The following SLC9A9 variants were observed in gnomAD, a reference collection of about 807,000 sequenced individuals.
The protein encoded by SLC9A9 is solute carrier family 9 member A9.
A neutral mutation model predicts 77.8 loss-of-function variants in SLC9A9; 62 were observed. That is an observed-to-expected ratio of 0.80 (90% CI 0.65 to 0.98). The LOEUF (loss-of-function observed/expected upper bound fraction) is 0.98, where lower values mean the gene tolerates loss of function less well. Ranked by LOEUF, SLC9A9 falls within the 50% of genes least tolerant of loss-of-function variation. The probability of loss-of-function intolerance (pLI) is 0.00; values close to 1 mark genes in which losing one functional copy is unlikely to be tolerated. For missense variants in SLC9A9, 775 were observed against 774.9 expected (o/e 1.00, Z 0.00); for synonymous variants, 320 against 283.5 (o/e 1.13, Z -1.29).
At chr3:143,818,350 A>G (rs965351853) in intron 2 of SLC9A9, among the ~76,000 whole-genome samples, 7 of 152,198 alleles carry the variant, frequency 4.6e-5, no homozygotes, top group African/African-American at 1.7e-4. Flanking sequence ...TCTGTTGCCC[A>G]GGCTGGAGTT....
At position 143,313,523 on chromosome 3, in the gene SLC9A9, C is replaced by G. The variant is rs776572208; in HGVS notation, c.1605-44543G>C. On this transcript the variant is annotated intron_variant, in intron 14 of 15. Transcript: ENST00000316549. ...CTCCTTACCCCACCCAATCCCATCA[C>G]CTCCTGACAGCCTTTTTGGTCATAA... Among the ~76,000 whole-genome samples, 25 of 152,320 alleles carry G rather than the reference C, an allele frequency of 1.6e-4. No homozygotes were observed. In the Middle Eastern group the frequency reaches 0.014, roughly 83 times the overall value.
At chr3:143,472,433 A>C (rs569229637) in intron 11 of SLC9A9, among the ~76,000 whole-genome samples, 1 of 152,252 alleles carries the variant, frequency 6.6e-6, no homozygotes, top group South Asian at 2.1e-4. Context: ...TCTATGCCCA[A>C]ATCTTTTTTT....
At chr3:143,563,833 T>C (rs557252885) in intron 8 of SLC9A9, among the ~76,000 whole-genome samples, 1 of 152,198 alleles carries the variant, frequency 6.6e-6, no homozygotes, top group East Asian at 1.9e-4. Context: ...ATATAAATGG[T>C]TCAGTTTTTA....
chr3:143,359,850 G>T (rs773226371), intron 14 of SLC9A9, among the ~76,000 whole-genome samples: 11 of 152,186 alleles, frequency 7.2e-5, no homozygotes, highest in Non-Finnish European at 1.0e-4. Flanking sequence ...TTGAGGATCT[G>T]ATTCAGAAGT....
chr3:143,615,902 A>G (rs1203932561), intron 6 of SLC9A9, among the ~76,000 whole-genome samples: 2 of 144,020 alleles, frequency 1.4e-5, no homozygotes, highest in African/African-American at 5.1e-5. Flanking sequence ...TTTTTTTGTG[A>G]CAGAGTCTCG....
chr3:143,679,858 A>T (rs965892863), intron 5 of SLC9A9, among the ~76,000 whole-genome samples: 62 of 152,234 alleles, frequency 4.1e-4, no homozygotes, highest in African/African-American at 1.5e-3. Context: ...AAATACACTT[A>T]AAGAGACAGA....
intron 12 of SLC9A9, among the ~76,000 whole-genome samples, chr3:143,452,547 G>T (rs1452646513): frequency 1.4e-5 from 2 of 146,254 alleles, no homozygotes; most frequent in African/African-American, 5.0e-5. Context: ...ACATTATCTT[G>T]ATTGGATCCT....
intron 9 of SLC9A9, among the ~76,000 whole-genome samples, chr3:143,543,413 T>G (rs1329174507): frequency 1.3e-5 from 2 of 151,982 alleles, no homozygotes; most frequent in Admixed American, 1.3e-4. Flanking sequence ...TATTTTAGAT[T>G]GAAGGACTAC....
chr3:143,443,334 G>GT (rs904419801), intron 12 of SLC9A9, among the ~76,000 whole-genome samples: 286 of 147,298 alleles, frequency 1.9e-3, no homozygotes, highest in Non-Finnish European at 2.5e-3. Flanking sequence ...AAGGTGAACA[G>GT]TTTTTTTTTT....
At chr3:143,545,091 T>C (rs2036764333) in intron 9 of SLC9A9, among the ~76,000 whole-genome samples, 1 of 152,212 alleles carries the variant, frequency 6.6e-6, no homozygotes, top group Non-Finnish European at 1.5e-5. Flanking sequence ...ATGGTTTCAA[T>C]TTGGGTAACT....
At chr3:143,367,988 T>C (rs1040086119) in intron 13 of SLC9A9, among the ~76,000 whole-genome samples, 7 of 152,174 alleles carry the variant, frequency 4.6e-5, no homozygotes, top group African/African-American at 7.2e-5. Flanking sequence ...TTCACAGCTA[T>C]AAATGGGAAC....
intron 14 of SLC9A9, among the ~76,000 whole-genome samples, chr3:143,336,668 A>G (rs1256946774): frequency 6.6e-6 from 1 of 152,162 alleles, no homozygotes; most frequent in Non-Finnish European, 1.5e-5. Flanking sequence ...CTGCATAATA[A>G]CCACTTATAT....
intron 6 of SLC9A9, among the ~76,000 whole-genome samples, chr3:143,640,457 A>G (rs191181779): frequency 1.8e-4 from 27 of 152,342 alleles, no homozygotes; most frequent in African/African-American, 6.5e-4. Flanking sequence ...TGGGCACTCT[A>G]AACTAGAGAG....
intron 14 of SLC9A9, among the ~76,000 whole-genome samples, chr3:143,342,924 A>G (rs1023914122): frequency 1.3e-5 from 2 of 152,198 alleles, no homozygotes; most frequent in African/African-American, 4.8e-5. Flanking sequence ...ATGTGAACAA[A>G]TTGTCAAAAC....
At chr3:143,458,514 C>T (rs1266802520) in intron 12 of SLC9A9, among the ~76,000 whole-genome samples, 4 of 151,914 alleles carry the variant, frequency 2.6e-5, no homozygotes, top group African/African-American at 9.7e-5. Context: ...TTTTCGTCTC[C>T]TGCCTTCCTT....
At chr3:143,730,695 T>C (rs1195230171) in intron 4 of SLC9A9, among the ~76,000 whole-genome samples, 3 of 152,214 alleles carry the variant, frequency 2.0e-5, no homozygotes, top group Non-Finnish European at 2.9e-5. Context: ...TTCCAATTTA[T>C]CTTCATAAAT....
chr3:143,819,961 C>T (rs1047949608), intron 2 of SLC9A9, among the ~76,000 whole-genome samples: 43 of 152,108 alleles, frequency 2.8e-4, no homozygotes, highest in African/African-American at 9.9e-4. Flanking sequence ...TGTAAATAGC[C>T]AAGGCCTCGA....
chr3:143,760,131 T>TA (rs1242152228), intron 4 of SLC9A9, among the ~76,000 whole-genome samples: 3 of 152,130 alleles, frequency 2.0e-5, no homozygotes, highest in Non-Finnish European at 4.4e-5. Context: ...TGGAAATGGT[T>TA]AAAAAAATAA....
rs61683009 is a variant in SLC9A9 at position 143,270,577 on chromosome 3, C to A, written c.1605-1597G>T. Among the ~76,000 whole-genome samples the A allele has an allele frequency of 2.2e-3, 329 of 151,936 alleles. 2 individuals carry two copies. The highest frequency in any genetic ancestry group is 7.5e-3 in the African/African-American group (311 of 41,392). ...AGGTGAGGTGGACAAGATATATGTACAACTGGAGTACAAATTAAAAAAAAT... is the reference window on the plus strand; with the variant it reads ...AGGTGAGGTGGACAAGATATATGTAAAACTGGAGTACAAATTAAAAAAAAT... On this transcript the variant is annotated intron_variant, in intron 14 of 15. Transcript: ENST00000316549.
Sources: allele counts gnomAD v4.1 joint callset (sites outside exome capture counted in the v4.1 genomes callset), GRCh38; gene constraint gnomAD v4.1.1; transcripts MANE v1.5; gene names NCBI Gene and HGNC (gene_info 2026-07-23, HGNC 2026-07-21).